The following CNTN5 variants were observed in gnomAD, a reference collection of about 807,000 sequenced individuals.
The protein encoded by CNTN5 is contactin 5.
CNTN5 carries 77 observed loss-of-function variants against 129.1 expected under a neutral mutation model. The observed-to-expected ratio is 0.60, with a 90% CI of 0.50 to 0.72. The LOEUF is 0.72. CNTN5 is among the 30% of genes least tolerant of loss of function. The pLI is 0.00. For missense variants in CNTN5, 1,478 were observed against 1,328.8 expected (o/e 1.11, Z -1.75); for synonymous variants, 509 against 465.6 (o/e 1.09, Z -1.20).
At chr11:99,883,092 T>G (rs1490893185) in intron 6 of CNTN5, among the ~76,000 whole-genome samples, 1 of 152,212 alleles carries the variant, frequency 6.6e-6, no homozygotes, top group East Asian at 1.9e-4. Context: ...CCGTTGTGTA[T>G]AAGTACCACA....
chr11:99,718,797 A>G (rs75819167), intron 3 of CNTN5, among the ~76,000 whole-genome samples: 5,375 of 152,194 alleles, frequency 0.035, 110 homozygotes, highest in Non-Finnish European at 0.044. Flanking sequence ...AAAATACCAC[A>G]GCTAAATAGG....
chr11:100,306,097 A>C (rs1342619475), intron 20 of CNTN5, among the ~76,000 whole-genome samples: 1 of 151,580 alleles, frequency 6.6e-6, no homozygotes, highest in Non-Finnish European at 1.5e-5. Context: ...ATGATTCTTC[A>C]GTTCTTGTTT....
Position 99,190,920 on chromosome 11 carries a change from C to T in CNTN5, c.-209-134426C>T, listed in dbSNP as rs141562471. Among the ~76,000 whole-genome samples the T allele has an allele frequency of 4.8e-3, 722 of 151,506 alleles. 2 individuals are homozygous for T. The highest frequency in any genetic ancestry group is 0.017 in the African/African-American group (694 of 41,390). ...GAGAATGGGCATCCTTGTCTTGTTTCTGGTCTTAGAGGGATAGCTTTCACC... is the reference window on the plus strand; with the variant it reads ...GAGAATGGGCATCCTTGTCTTGTTTTTGGTCTTAGAGGGATAGCTTTCACC... On this transcript the variant is annotated intron_variant, in intron 1 of 24. Coordinates refer to ENST00000524871, the MANE Select transcript of CNTN5 (RefSeq NM_014361.4).
intron 6 of CNTN5, among the ~76,000 whole-genome samples, chr11:99,910,787 A>G (rs908452973): frequency 7.9e-5 from 12 of 152,128 alleles, no homozygotes; most frequent in African/African-American, 2.2e-4. Flanking sequence ...TTTTCTAAAC[A>G]TTTAGAAGGT....
chr11:100,194,621 C>T (rs934308965), intron 15 of CNTN5, among the ~76,000 whole-genome samples: 3 of 149,960 alleles, frequency 2.0e-5, no homozygotes, highest in African/African-American at 2.4e-5. Context: ...AAAAAAAGCC[C>T]TAAATCCAAA....
chr11:99,750,675 A>G (rs996570465), intron 3 of CNTN5, among the ~76,000 whole-genome samples: 9 of 152,200 alleles, frequency 5.9e-5, no homozygotes, highest in South Asian at 4.1e-4. Flanking sequence ...GCTCTTCCTT[A>G]AGAGACAGAA....
intron 1 of CNTN5, among the ~76,000 whole-genome samples, chr11:99,191,225 T>C (rs889035990): frequency 6.6e-6 from 1 of 151,878 alleles, no homozygotes; most frequent in East Asian, 1.9e-4. Context: ...TTAAATGTAC[T>C]GTTAAATTCA....
chr11:100,298,454 C>A (rs1005728223), intron 19 of CNTN5, among the ~76,000 whole-genome samples: 1 of 151,128 alleles, frequency 6.6e-6, no homozygotes, highest in African/African-American at 2.4e-5. Flanking sequence ...TGTTTCTTTG[C>A]CACCACTCAA....
chr11:99,877,189 CTT>C (rs1948655761), intron 6 of CNTN5, among the ~76,000 whole-genome samples: 1 of 152,046 alleles, frequency 6.6e-6, no homozygotes, highest in Admixed American at 6.6e-5. Context: ...GAAAAAGAAA[CTT>C]TATTTCCATT....
At chr11:99,643,930 AAT>A (rs1188181859) in intron 3 of CNTN5, among the ~76,000 whole-genome samples, 2 of 152,314 alleles carry the variant, frequency 1.3e-5, no homozygotes, top group Middle Eastern at 3.4e-3. Context: ...GTAATTTAAA[AAT>A]ATAAACAATT....
At chr11:100,169,300 C>G (rs1947752234) in intron 13 of CNTN5, among the ~76,000 whole-genome samples, 1 of 151,968 alleles carries the variant, frequency 6.6e-6, no homozygotes, top group Admixed American at 6.6e-5. Context: ...AGAAATCTTT[C>G]ATGAAAGGAA....
intron 1 of CNTN5, among the ~76,000 whole-genome samples, chr11:99,208,301 T>C (rs1214441622): frequency 1.3e-5 from 2 of 152,150 alleles, no homozygotes; most frequent in African/African-American, 4.8e-5. Context: ...GAAATTACAT[T>C]TACAGTGCCT....
intron 2 of CNTN5, among the ~76,000 whole-genome samples, chr11:99,361,562 G>A (rs781086729): frequency 6.6e-6 from 1 of 152,034 alleles, no homozygotes; most frequent in African/African-American, 2.4e-5. Context: ...TGCTCATAAT[G>A]TTGTGTATCT....
intron 6 of CNTN5, among the ~76,000 whole-genome samples, chr11:99,883,986 T>A (rs2135870980): frequency 6.6e-6 from 1 of 152,348 alleles, no homozygotes; most frequent in Non-Finnish European, 1.5e-5. Flanking sequence ...AAAATTCATA[T>A]TGGGGAATAT....
intron 1 of CNTN5, among the ~76,000 whole-genome samples, chr11:99,306,975 A>T (rs1864906778): frequency 6.6e-6 from 1 of 152,110 alleles, no homozygotes. Flanking sequence ...TCAGTTTCCC[A>T]TTCTCCACTG....
intron 6 of CNTN5, among the ~76,000 whole-genome samples, chr11:99,895,430 A>G (rs1383217455): frequency 2.0e-5 from 3 of 152,238 alleles, no homozygotes; most frequent in Non-Finnish European, 4.4e-5. Context: ...ATGGCTGGCT[A>G]GACCCAGATA....
chr11:99,041,695 C>T (rs943302082), intron 1 of CNTN5, among the ~76,000 whole-genome samples: 2 of 152,086 alleles, frequency 1.3e-5, no homozygotes, highest in African/African-American at 4.8e-5. Flanking sequence ...GAGCATGCCC[C>T]AATCTTTTAG....
chr11:99,060,631 G>A (rs2135209334), intron 1 of CNTN5, among the ~76,000 whole-genome samples: 1 of 151,936 alleles, frequency 6.6e-6, no homozygotes, highest in Middle Eastern at 3.4e-3. Flanking sequence ...GAGAAGCTAT[G>A]CAAGAAATTT....
intron 4 of CNTN5, among the ~76,000 whole-genome samples, chr11:99,824,214 C>A (rs1946884825): frequency 6.6e-6 from 1 of 151,900 alleles, no homozygotes; most frequent in Non-Finnish European, 1.5e-5. Flanking sequence ...TGTCAAATTG[C>A]TTTCCAAAGT....
Sources: allele counts gnomAD v4.1 joint callset (sites outside exome capture counted in the v4.1 genomes callset), GRCh38; gene constraint gnomAD v4.1.1; transcripts MANE v1.5; gene names NCBI Gene and HGNC (gene_info 2026-07-23, HGNC 2026-07-21).